FHIT: variants seen among roughly 807,000 people sequenced by gnomAD.
FHIT encodes the protein bis(5'-adenosyl)-triphosphatase.
FHIT carries 19 observed loss-of-function variants against 17.9 expected under a neutral mutation model. The ratio of observed to expected loss-of-function variants is 1.06; its 90% CI spans 0.74 to 1.56. The LOEUF (loss-of-function observed/expected upper bound fraction) is 1.56, where lower values mean the gene tolerates loss of function less well. Ranked by LOEUF, FHIT falls within the 40% of genes most tolerant of loss-of-function variation. The probability of loss-of-function intolerance (pLI) is 0.00; values close to 1 mark genes in which losing one functional copy is unlikely to be tolerated. For synonymous variants in FHIT, 81 were observed against 69.7 expected (o/e 1.16, Z -0.81); for missense variants, 248 against 189.2 (o/e 1.31, Z -1.82).
In FHIT at chr3:59,749,134, A is replaced by T. The variant is rs1055119110; in HGVS notation, c.*451T>A. Among the ~76,000 whole-genome samples the T allele has an allele frequency of 8.5e-5, 13 of 152,166 alleles. No individual in the cohort carries two copies. The highest frequency in any genetic ancestry group is 3.1e-4 in the African/African-American group (13 of 41,436). On this transcript the variant is annotated 3_prime_UTR_variant, in exon 10 of 10. Transcript: ENST00000492590. ...ATTGCCCTATTTACTAACACATTTC[A>T]GGGGTTTCATGAACCACTTAATGTA...
chr3:60,705,931 A>T (rs2041361679), intron 4 of FHIT, among the ~76,000 whole-genome samples: 1 of 152,192 alleles, frequency 6.6e-6, no homozygotes, highest in Non-Finnish European at 1.5e-5. Context: ...TAACTATATT[A>T]TTTTTTGTTA....
intron 5 of FHIT, among the ~76,000 whole-genome samples, chr3:60,278,361 C>A (rs372935618): frequency 5.6e-4 from 86 of 152,256 alleles, no homozygotes; most frequent in African/African-American, 2.0e-3. Flanking sequence ...GGGAGAAGGG[C>A]AATTAGTCCC....
At chr3:60,369,616 G>A (rs1299410367) in intron 5 of FHIT, among the ~76,000 whole-genome samples, 1 of 152,126 alleles carries the variant, frequency 6.6e-6, no homozygotes, top group East Asian at 1.9e-4. Context: ...CTGTTAGAGT[G>A]GGCCTATTTG....
intron 3 of FHIT, among the ~76,000 whole-genome samples, chr3:60,868,124 A>G (rs1001950069): frequency 1.3e-5 from 2 of 152,204 alleles, no homozygotes; most frequent in Admixed American, 6.6e-5. Context: ...AGAATGAGCT[A>G]CTGCCTGTGG....
At chr3:60,296,728 A>C (rs1482156085) in intron 5 of FHIT, among the ~76,000 whole-genome samples, 1 of 152,050 alleles carries the variant, frequency 6.6e-6, no homozygotes, top group African/African-American at 2.4e-5. Flanking sequence ...CTTTGCCTAG[A>C]CATAGATCCC....
intron 5 of FHIT, among the ~76,000 whole-genome samples, chr3:60,020,744 A>G (rs1304379600): frequency 1.3e-5 from 2 of 152,186 alleles, no homozygotes; most frequent in African/African-American, 2.4e-5. Flanking sequence ...TCACTTCACA[A>G]AACAATAGCA....
chr3:60,826,191 AAGGAAGGAAG>A (rs1702113925), intron 3 of FHIT, among the ~76,000 whole-genome samples: 1 of 141,648 alleles, frequency 7.1e-6, no homozygotes, highest in South Asian at 2.1e-4. Context: ...GGAAGGAAGG[AAGGAAGGAAG>A]GAAGGAAGGA....
At chr3:60,243,746 C>T (rs1462662466) in intron 5 of FHIT, among the ~76,000 whole-genome samples, 2 of 152,024 alleles carry the variant, frequency 1.3e-5, no homozygotes, top group African/African-American at 4.8e-5. Context: ...GCAGGTGATG[C>T]TTTACATTGT....
chr3:60,532,634 G>A (rs1018341935), intron 5 of FHIT, among the ~76,000 whole-genome samples: 2 of 152,174 alleles, frequency 1.3e-5, no homozygotes, highest in African/African-American at 2.4e-5. Flanking sequence ...TCTAAGCGTT[G>A]CACCACAGAA....
intron 7 of FHIT, among the ~76,000 whole-genome samples, chr3:60,001,818 T>G (rs1395778523): frequency 6.6e-6 from 1 of 152,114 alleles, no homozygotes; most frequent in African/African-American, 2.4e-5. Context: ...CCAAACAGTT[T>G]CATCAAAATT....
At chr3:60,105,916 C>A (rs922665886) in intron 5 of FHIT, among the ~76,000 whole-genome samples, 5 of 152,142 alleles carry the variant, frequency 3.3e-5, no homozygotes, top group African/African-American at 1.2e-4. Context: ...TCTGCAGTTT[C>A]CCATTCAGTG....
rs545067945 is a variant in FHIT, at chr3:60,885,148, T to C, written c.-110-63137A>G. On this transcript the variant is annotated intron_variant, in intron 3 of 9. Coordinates refer to ENST00000492590, the MANE Select transcript of FHIT (RefSeq NM_002012.4). Reference sequence around the variant, plus strand: ...GTTTGATAGCACAGCAGGGTGATTATAGTTAACAATAATTTGTTACATATT... The same window carrying C: ...GTTTGATAGCACAGCAGGGTGATTACAGTTAACAATAATTTGTTACATATT... Among the ~76,000 whole-genome samples, 5 of 152,182 alleles carry C rather than the reference T, an allele frequency of 3.3e-5. No individual in the cohort carries two copies. The East Asian group carries it at 9.7e-4, about 29-fold the overall frequency.
intron 5 of FHIT, among the ~76,000 whole-genome samples, chr3:60,296,200 G>A (rs1252835084): frequency 6.6e-6 from 1 of 151,972 alleles, no homozygotes; most frequent in African/African-American, 2.4e-5. Context: ...AGTGTGAAAT[G>A]GACTAATATA....
intron 3 of FHIT, among the ~76,000 whole-genome samples, chr3:60,910,345 G>T (rs528519172): frequency 6.6e-5 from 10 of 152,100 alleles, no homozygotes; most frequent in Admixed American, 2.6e-4. Context: ...GGACTGTGAG[G>T]GGGGTGAGAG....
intron 4 of FHIT, among the ~76,000 whole-genome samples, chr3:60,539,539 A>G (rs898379991): frequency 3.3e-5 from 5 of 152,248 alleles, no homozygotes; most frequent in African/African-American, 1.2e-4. Flanking sequence ...ACTTGGAACC[A>G]ACCCAAATGT....
intron 2 of FHIT, among the ~76,000 whole-genome samples, chr3:61,108,003 G>T (rs2036041978): frequency 6.6e-6 from 1 of 152,170 alleles, no homozygotes; most frequent in South Asian, 2.1e-4. Context: ...CCTTTAGGCT[G>T]AACTTAAAAT....
chr3:60,157,947 C>T (rs1700773248), intron 5 of FHIT, among the ~76,000 whole-genome samples: 1 of 152,152 alleles, frequency 6.6e-6, no homozygotes, highest in Non-Finnish European at 1.5e-5. Flanking sequence ...CTGCATGTAG[C>T]AATTGGTGCT....
At chr3:60,695,952 T>C (rs35143592) in intron 4 of FHIT, among the ~76,000 whole-genome samples, 2,013 of 152,314 alleles carry the variant, frequency 0.013, 13 homozygotes, top group Non-Finnish European at 0.02. Context: ...TTTAAAGCTG[T>C]GATTATGGAA....
chr3:60,048,785 T>C (rs755764093), intron 5 of FHIT, among the ~76,000 whole-genome samples: 3 of 152,202 alleles, frequency 2.0e-5, no homozygotes, highest in Non-Finnish European at 2.9e-5. Flanking sequence ...TTTTTCACCG[T>C]GATGCCCTCC....
Sources: gnomAD v4.1 joint callset for allele counts (sites outside exome capture counted in the v4.1 genomes callset) on GRCh38, gnomAD v4.1.1 for gene constraint, MANE v1.5 for transcripts, NCBI Gene and HGNC (gene_info 2026-07-23, HGNC 2026-07-21) for gene names.